RIN2: variants seen among roughly 807,000 people sequenced by gnomAD.
RIN2 encodes Ras and Rab interactor 2.
In RIN2, 36 loss-of-function variants were observed where a neutral mutation model predicts 78.0. The ratio of observed to expected loss-of-function variants is 0.46; its 90% confidence interval spans 0.35 to 0.61. The LOEUF is 0.61. Among genes scored for constraint, RIN2 ranks in the 20% least tolerant of loss-of-function variants. RIN2 has a pLI of 0.00. For synonymous variants in RIN2, 466 were observed against 466.8 expected (o/e 1.00, Z 0.02); for missense variants, 1,087 against 1,159.7 (o/e 0.94, Z 0.91).
chr20:19,800,158 G>C (rs2035194998), intron 2 of RIN2, among the ~76,000 whole-genome samples: 2 of 152,198 alleles, frequency 1.3e-5, no homozygotes, highest in African/African-American at 4.8e-5. Flanking sequence ...GGCAATAACT[G>C]AAAGAGGACA....
At chr20:19,805,442 C>T (rs189547384) in intron 2 of RIN2, among the ~76,000 whole-genome samples, 14 of 152,252 alleles carry the variant, frequency 9.2e-5, no homozygotes, top group Admixed American at 9.2e-4. Flanking sequence ...CACTCTGTCA[C>T]CCAGGCTGGA....
rs545689255 is a variant in RIN2, at chr20:19,885,779, G to GTAA, written c.-36-3785_-36-3783dup. ...CTCAGAACAAAAAAAAGCATATGAG[G>GTAA]TAATGCATATGTTAATTAGCTTCAC... is the stretch of plus-strand genomic sequence containing the variant. On this transcript the variant is annotated intron_variant, in intron 2 of 12. Transcript: ENST00000255006. Among the ~76,000 whole-genome samples the GTAA allele has an allele frequency of 2.9e-4, 44 of 151,916 alleles. No individual in the cohort carries two copies. The South Asian group carries it at 4.6e-3, about 16-fold the overall frequency.
At position 19,975,760 on chromosome 20, in the gene RIN2, G is replaced by C. The variant is rs543200432; in HGVS notation, c.1735G>C (p.Glu579Gln). 1 of 1,611,712 alleles carries C rather than the reference G, an allele frequency of 6.2e-7. No individual in the cohort carries two copies. The highest frequency in any genetic ancestry group is 1.1e-5 in the South Asian group (1 of 90,778). Residue 579 changes from glutamate to glutamine, a missense_variant, in exon 9 of 13, where the codon GAG becomes CAG. Physicochemically the swap from Glu to Gln is conservative, Grantham distance 29. This residue lies in a region of RIN2 where 39 missense variants were observed against 34.9 expected (regional missense o/e 1.12). Coordinates refer to ENST00000255006, the MANE Select transcript of RIN2 (RefSeq NM_018993.4). The surrounding 1 kb of genome is among the most constrained non-coding windows in gnomAD (Gnocchi z 4.9). ...SQSSELDPPI[E>Q]SLIPEDQIDV... The stretch of plus-strand genomic sequence containing the variant: ...GAGCTCGGAGCTGGACCCCCCCATC[G>C]AGTCGCTGATCCCTGAAGACCAAAT...
At chr20:19,839,851 G>A (rs1251548200) in intron 2 of RIN2, among the ~76,000 whole-genome samples, 1 of 152,198 alleles carries the variant, frequency 6.6e-6, no homozygotes, top group East Asian at 1.9e-4. Context: ...TGTTTAAAGT[G>A]AGAGTAAGCA....
intron 2 of RIN2, among the ~76,000 whole-genome samples, chr20:19,862,495 A>G (rs553364852): frequency 1.3e-5 from 2 of 152,326 alleles, no homozygotes; most frequent in African/African-American, 4.8e-5. Context: ...TGGGAGGCTG[A>G]GGCAGGAGAA....
chr20:19,974,862 G>T lies in RIN2; in HGVS notation c.837G>T (p.Val279=), dbSNP rs2042219411. The T allele has an allele frequency of 6.2e-7, 1 of 1,614,006 alleles. No homozygotes were observed. Among genetic ancestry groups the T allele is most frequent in the East Asian group, 2.2e-5 (1 of 44,876 alleles). The part of the protein sequence containing the change: ...LCFINPLFLK[V]HSQDLSGGLK... ...TTATTAATCCCCTTTTCTTGAAAGT[G>T]CACAGCCAGGACCTCAGTGGAGGCC... Residue 279 remains valine (V), a synonymous_variant, in exon 9 of 13, where the codon GTG becomes GTT. Transcript: ENST00000255006.
intron 8 of RIN2, among the ~76,000 whole-genome samples, chr20:19,971,258 C>CT (rs1442685994): frequency 6.6e-6 from 1 of 151,908 alleles, no homozygotes; most frequent in Non-Finnish European, 1.5e-5. Context: ...GCACAGACAT[C>CT]TAGAGTAACG....
chr20:19,970,244 A>G (rs749168069), intron 7 of RIN2, among the ~76,000 whole-genome samples: 10 of 152,262 alleles, frequency 6.6e-5, no homozygotes, highest in South Asian at 2.1e-4. Flanking sequence ...CAGAGTGTGC[A>G]GTATAACAAG....
At chr20:19,806,809 G>T (rs1171730297) in intron 2 of RIN2, among the ~76,000 whole-genome samples, 1 of 150,822 alleles carries the variant, frequency 6.6e-6, no homozygotes, top group Non-Finnish European at 1.5e-5. Context: ...AAGGTGGGAG[G>T]ATTGCTTGAG....
rs1393006908 is a variant in RIN2 at position 19,960,726 on chromosome 20, G to A, written c.378G>A (p.Lys126=). 1.9e-6 allele frequency: 3 copies of A among 1,602,350 alleles called. No homozygotes were observed. The African/African-American group carries it at 4.0e-5, about 21-fold the overall frequency. Residue 126 remains lysine (K), a synonymous_variant, in exon 6 of 13, where the codon AAG becomes AAA. Transcript: ENST00000255006. ...TCTTCCTGGTTCATAAATCTACCAA[G>A]ATGCAGAAGAAAGTCCTCTCCCTCC... is the stretch of plus-strand genomic sequence containing the variant. ...PGIFLVHKST[K]MQKKVLSLRL...
chr20:19,993,534 G>A (rs575045039), intron 11 of RIN2, among the ~76,000 whole-genome samples: 2 of 152,220 alleles, frequency 1.3e-5, no homozygotes, highest in East Asian at 3.9e-4. Flanking sequence ...TGCTGACTCA[G>A]GATGGGGGAT....
intron 1 of RIN2, among the ~76,000 whole-genome samples, chr20:19,764,919 T>TC (rs1555813273): frequency 1.1e-3 from 33 of 30,662 alleles, no homozygotes; most frequent in African/African-American, 5.3e-3. Context: ...ACTTTCTGCG[T>TC]TTTTTTTTTT....
chr20:19,917,157 G>A (rs1283849385), intron 3 of RIN2, among the ~76,000 whole-genome samples: 3 of 151,638 alleles, frequency 2.0e-5, no homozygotes, highest in African/African-American at 4.8e-5. Context: ...ACTCCAAATG[G>A]CAAAGCCCCA....
At chr20:19,840,174 A>G (rs576579612) in intron 2 of RIN2, among the ~76,000 whole-genome samples, 241 of 152,342 alleles carry the variant, frequency 1.6e-3, no homozygotes, top group African/African-American at 5.6e-3. Flanking sequence ...TCCAACCTCA[A>G]ATTTCACAAA....
intron 1 of RIN2, among the ~76,000 whole-genome samples, chr20:19,793,971 C>T (rs1340697909): frequency 1.3e-5 from 2 of 152,288 alleles, no homozygotes; most frequent in East Asian, 1.9e-4. Flanking sequence ...GAAGATAACA[C>T]AGGCAGGATT....
intron 2 of RIN2, among the ~76,000 whole-genome samples, chr20:19,823,073 A>G (rs2035976028): frequency 6.6e-6 from 1 of 151,682 alleles, no homozygotes; most frequent in African/African-American, 2.4e-5. Context: ...TTCAATGCCC[A>G]TTTTACAGAT....
At chr20:19,807,017 A>G (rs2122760373) in intron 2 of RIN2, among the ~76,000 whole-genome samples, 1 of 152,318 alleles carries the variant, frequency 6.6e-6, no homozygotes, top group South Asian at 2.1e-4. Flanking sequence ...TTGGCTTCCC[A>G]CTGATGTCTG....
intron 2 of RIN2, 49 bp downstream of exon 2, chr20:19,799,796 T>C (rs890104379): frequency 1.3e-5 from 2 of 152,176 alleles, no homozygotes; most frequent in African/African-American, 4.8e-5. Context: ...CCCAGCGTTT[T>C]CTTCATTTCC....
At chr20:19,924,979 T>G (rs980401951) in intron 3 of RIN2, among the ~76,000 whole-genome samples, 3 of 150,976 alleles carry the variant, frequency 2.0e-5, no homozygotes, top group African/African-American at 7.3e-5. Context: ...CCTCAGGTGA[T>G]CCACCCGCCT....
Sources: gnomAD v4.1 joint callset for allele counts (sites outside exome capture counted in the v4.1 genomes callset) on GRCh38, gnomAD v4.1.1 for gene constraint, gnomAD v4.1.1 regional missense constraint, Gnocchi (gnomAD v3.1) non-coding constraint, MANE v1.5 for transcripts, NCBI Gene and HGNC (gene_info 2026-07-23, HGNC 2026-07-21) for gene names.